Variants in NLGN1 observed in about 807,000 individuals in gnomAD.
The protein encoded by NLGN1 is neuroligin 1.
A neutral mutation model predicts 65.5 loss-of-function variants in NLGN1; 12 were observed. The ratio of observed to expected loss-of-function variants is 0.18; its 90% CI spans 0.12 to 0.30. NLGN1 has a LOEUF of 0.30. NLGN1 is among the 10% of genes least tolerant of loss of function. NLGN1 has a pLI of 1.00. For synonymous variants in NLGN1, 350 were observed against 359.5 expected, an observed-to-expected ratio of 0.97 and a Z score of 0.30; for missense variants, 750 against 1,007.1, an observed-to-expected ratio of 0.74 and a Z score of 3.46.
intron 5 of NLGN1, among the ~76,000 whole-genome samples, chr3:174,276,435 C>CAGAT (rs1443050235): frequency 2.0e-5 from 3 of 151,646 alleles, no homozygotes; most frequent in African/African-American, 4.9e-5. Context: ...GATAGGAAGA[C>CAGAT]AGATAATATA....
intron 5 of NLGN1, 65 bp downstream of exon 5, chr3:174,275,592 G>A: frequency 1.1e-6 from 1 of 898,366 alleles, no homozygotes; most frequent in Non-Finnish European, 1.8e-6. Flanking sequence ...TCAGTAGTAT[G>A]TGATGCTCTG....
At chr3:173,975,445 G>T (rs1579517749) in intron 4 of NLGN1, among the ~76,000 whole-genome samples, 1 of 151,918 alleles carries the variant, frequency 6.6e-6, no homozygotes, top group Admixed American at 6.6e-5. Context: ...TTGGTGCTGT[G>T]CAAACCGAGG....
At chr3:173,889,718 T>C (rs1055377150) in intron 4 of NLGN1, among the ~76,000 whole-genome samples, 1 of 152,142 alleles carries the variant, frequency 6.6e-6, no homozygotes, top group Admixed American at 6.6e-5. Context: ...GATAGTTGTT[T>C]GCCTGCCAAC....
intron 4 of NLGN1, among the ~76,000 whole-genome samples, chr3:174,157,014 GA>G (rs72508167): frequency 0.02 from 2,945 of 149,150 alleles, 88 homozygotes; most frequent in African/African-American, 0.065. Flanking sequence ...TATAAATGTA[GA>G]AAAAAATATA....
At chr3:173,815,972 A>G (rs1473142022) in intron 4 of NLGN1, among the ~76,000 whole-genome samples, 2 of 119,484 alleles carry the variant, frequency 1.7e-5, no homozygotes, top group Admixed American at 1.9e-4. Flanking sequence ...TATTGTGAAA[A>G]TCCTTAAATT....
chr3:173,422,589 A>G (rs528129057), intron 1 of NLGN1, among the ~76,000 whole-genome samples: 190 of 152,286 alleles, frequency 1.2e-3, no homozygotes, highest in Non-Finnish European at 1.6e-3. Flanking sequence ...CATTCCCATA[A>G]TCAGTTTACA....
intron 2 of NLGN1, among the ~76,000 whole-genome samples, chr3:173,511,570 C>CT (rs1246515756): frequency 4.6e-5 from 7 of 152,016 alleles, no homozygotes; most frequent in South Asian, 2.1e-4. Flanking sequence ...GCTTCTGTTT[C>CT]TTTCTTTTCC....
At chr3:173,828,256 G>C (rs1721763976) in intron 4 of NLGN1, among the ~76,000 whole-genome samples, 1 of 152,058 alleles carries the variant, frequency 6.6e-6, no homozygotes, top group Admixed American at 6.6e-5. Context: ...TATCAAATTT[G>C]ACCATGCAGA....
intron 4 of NLGN1, among the ~76,000 whole-genome samples, chr3:173,973,418 T>C (rs538480422): frequency 2.3e-4 from 35 of 152,142 alleles, no homozygotes; most frequent in African/African-American, 7.0e-4. Flanking sequence ...ATGAATGAAA[T>C]GGAGGAAAGG....
intron 2 of NLGN1, among the ~76,000 whole-genome samples, chr3:173,578,609 T>A (rs1745914726): frequency 6.6e-6 from 1 of 152,232 alleles, no homozygotes; most frequent in Non-Finnish European, 1.5e-5. Flanking sequence ...ACTAATATTT[T>A]ACAATAAGCA....
At chr3:174,145,788 T>C (rs1225127234) in intron 4 of NLGN1, among the ~76,000 whole-genome samples, 1 of 152,204 alleles carries the variant, frequency 6.6e-6, no homozygotes, top group African/African-American at 2.4e-5. Flanking sequence ...AGGCTAACGG[T>C]GCATATATTT....
At chr3:173,827,263 A>G (rs1217707081) in intron 4 of NLGN1, among the ~76,000 whole-genome samples, 8 of 152,098 alleles carry the variant, frequency 5.3e-5, no homozygotes, top group Admixed American at 5.3e-4. Flanking sequence ...AGTAGGGAAA[A>G]TCCAGATTAT....
chr3:174,225,770 A>G (rs929504468), intron 4 of NLGN1, among the ~76,000 whole-genome samples: 1 of 152,108 alleles, frequency 6.6e-6, no homozygotes, highest in Non-Finnish European at 1.5e-5. Context: ...CAAGTCAGAG[A>G]AATGCTAAGG....
At chr3:173,857,628 A>G (rs999845736) in intron 4 of NLGN1, among the ~76,000 whole-genome samples, 2 of 152,042 alleles carry the variant, frequency 1.3e-5, no homozygotes, top group East Asian at 3.9e-4. Context: ...CTGGATTGCG[A>G]AAAGAGGGCT....
Position 173,451,473 on chromosome 3 carries a change from G to A in NLGN1, c.-321+16395G>A, listed in dbSNP as rs576046221. 2.6e-5 allele frequency among the ~76,000 whole-genome samples: 4 copies of A among 152,172 alleles called. No individual in the cohort carries two copies. The South Asian group carries it at 6.2e-4, about 24-fold the overall frequency. On this transcript the variant is annotated intron_variant, in intron 2 of 6. Transcript: ENST00000457714. Reference sequence around the variant, plus strand: ...TGTGAGGTGTCAGTCCGCCCCTAATGGGGGGTGCCTCCCAGTTAGGCTACT... The same window carrying A: ...TGTGAGGTGTCAGTCCGCCCCTAATAGGGGGTGCCTCCCAGTTAGGCTACT...
chr3:174,244,292 T>G (rs1292318231), intron 4 of NLGN1, among the ~76,000 whole-genome samples: 15 of 152,210 alleles, frequency 9.9e-5, no homozygotes, highest in Admixed American at 9.8e-4. Flanking sequence ...CCTTCCTGTT[T>G]AATTTGTGGG....
At chr3:173,431,366 A>G (rs1230750257) in intron 1 of NLGN1, among the ~76,000 whole-genome samples, 2 of 151,842 alleles carry the variant, frequency 1.3e-5, no homozygotes, top group Middle Eastern at 3.2e-3. Flanking sequence ...TGGGGCAAAT[A>G]TGGAGCAAAC....
At chr3:173,916,120 A>T (rs1740678166) in intron 4 of NLGN1, among the ~76,000 whole-genome samples, 1 of 152,148 alleles carries the variant, frequency 6.6e-6, no homozygotes, top group African/African-American at 2.4e-5. Context: ...TCTTGTGAGA[A>T]TGAGATTAGA....
At chr3:174,216,890 T>C (rs1217393167) in intron 4 of NLGN1, among the ~76,000 whole-genome samples, 4 of 152,120 alleles carry the variant, frequency 2.6e-5, no homozygotes, top group Non-Finnish European at 5.9e-5. Context: ...CATTGTCTAC[T>C]GAAGGCCTTA....
Sources: allele counts gnomAD v4.1 joint callset (sites outside exome capture counted in the v4.1 genomes callset), GRCh38; gene constraint gnomAD v4.1.1; transcripts MANE v1.5; gene names NCBI Gene and HGNC (gene_info 2026-07-23, HGNC 2026-07-21).